Variants in TCERG1L observed in about 807,000 individuals in gnomAD.
TCERG1L encodes the protein transcription elongation regulator 1-like protein.
TCERG1L carries 37 observed loss-of-function variants against 56.3 expected under a neutral mutation model. The ratio of observed to expected loss-of-function variants is 0.66; its 90% CI spans 0.51 to 0.87. TCERG1L has a LOEUF of 0.87. Among genes scored for constraint, TCERG1L ranks in the 40% least tolerant of loss-of-function variants. TCERG1L has a pLI of 0.00. For missense variants in TCERG1L, 799 were observed against 774.2 expected, an observed-to-expected ratio of 1.03 and a Z score of -0.38; for synonymous variants, 324 against 326.3, an observed-to-expected ratio of 0.99 and a Z score of 0.08.
At chr10:131,248,198 T>C (rs1186853276) in intron 4 of TCERG1L, among the ~76,000 whole-genome samples, 1 of 139,618 alleles carries the variant, frequency 7.2e-6, no homozygotes, top group African/African-American at 2.8e-5. Context: ...AAACACACAC[T>C]ACTCACACAC....
At chr10:131,271,187 G>A (rs1386898966) in intron 3 of TCERG1L, among the ~76,000 whole-genome samples, 1 of 152,182 alleles carries the variant, frequency 6.6e-6, no homozygotes, top group Non-Finnish European at 1.5e-5. Flanking sequence ...CACCCAACCA[G>A]CAGCTGGATT....
chr10:131,191,864 C>CAAAAAAAAAAAAAAA (rs59816491), intron 4 of TCERG1L, among the ~76,000 whole-genome samples: 21 of 28,700 alleles, frequency 7.3e-4, no homozygotes, highest in African/African-American at 1.9e-3. Context: ...GACTCCGTCT[C>CAAAAAAAAAAAAAAA]AAAAAAAAAA....
intron 4 of TCERG1L, among the ~76,000 whole-genome samples, chr10:131,190,006 A>G (rs781583617): frequency 7.2e-5 from 11 of 152,224 alleles, no homozygotes; most frequent in Non-Finnish European, 1.3e-4. Context: ...GAAAAAATAA[A>G]CAAAATTAAT....
At chr10:131,289,081 C>G (rs1034847326) in intron 3 of TCERG1L, among the ~76,000 whole-genome samples, 3 of 151,578 alleles carry the variant, frequency 2.0e-5, no homozygotes, top group African/African-American at 7.3e-5. Context: ...TATTTCCTGA[C>G]AAAACATGAT....
chr10:131,159,249 G>A (rs182145035), intron 6 of TCERG1L, among the ~76,000 whole-genome samples: 11 of 152,286 alleles, frequency 7.2e-5, no homozygotes, highest in Admixed American at 3.3e-4. Flanking sequence ...ACCGAGCACC[G>A]TGGGCTTGAC....
intron 8 of TCERG1L, among the ~76,000 whole-genome samples, chr10:131,126,187 G>A (rs1211906747): frequency 2.0e-5 from 3 of 152,214 alleles, no homozygotes; most frequent in Non-Finnish European, 2.9e-5. Flanking sequence ...AGGCCCTACC[G>A]TGGCTGGACA....
intron 4 of TCERG1L, among the ~76,000 whole-genome samples, chr10:131,173,616 C>T (rs1221912595): frequency 6.6e-6 from 1 of 152,196 alleles, no homozygotes; most frequent in Non-Finnish European, 1.5e-5. Flanking sequence ...CAAGAGTTGC[C>T]AGCCCCGGCG....
intron 10 of TCERG1L, among the ~76,000 whole-genome samples, chr10:131,102,370 G>A (rs565571452): frequency 1.3e-5 from 2 of 152,290 alleles, no homozygotes; most frequent in South Asian, 2.1e-4. Flanking sequence ...GGCTGGGAAC[G>A]GGAGTGAGGA....
chr10:131,309,830 A>G lies in TCERG1L; in HGVS notation c.343-531T>C, dbSNP rs534849786. On this transcript the variant is annotated intron_variant, in intron 1 of 11. Coordinates refer to ENST00000368642, the MANE Select transcript of TCERG1L (RefSeq NM_174937.4). ...AGGTTCACCAATACAAATAGATTCT[A>G]TGGCAAAAAAAAAAAAAAAAAAAAA... Among the ~76,000 whole-genome samples the G allele has an allele frequency of 1.0e-4, 13 of 125,848 alleles. No individual in the cohort carries two copies. The South Asian group carries it at 4.1e-3, about 40-fold the overall frequency. The allele number at this position is 125,848 out of a possible 152,430, so 82.6% of individuals were successfully genotyped here.
intron 10 of TCERG1L, among the ~76,000 whole-genome samples, chr10:131,101,705 T>TC (rs1227589026): frequency 2.0e-5 from 3 of 147,934 alleles, no homozygotes; most frequent in Non-Finnish European, 4.6e-5. Flanking sequence ...TAGCTGATTT[T>TC]CTTTTTTTTT....
chr10:131,294,455 G>C (rs890413490), intron 3 of TCERG1L, among the ~76,000 whole-genome samples: 1 of 152,124 alleles, frequency 6.6e-6, no homozygotes, highest in Admixed American at 6.5e-5. Context: ...TCATTCTCCA[G>C]AGCACTCCCC....
chr10:131,297,602 G>T (rs896870268), intron 3 of TCERG1L, among the ~76,000 whole-genome samples: 5 of 152,000 alleles, frequency 3.3e-5, no homozygotes, highest in Non-Finnish European at 7.4e-5. Flanking sequence ...ATTACTTAGG[G>T]AATATTATTT....
intron 3 of TCERG1L, among the ~76,000 whole-genome samples, chr10:131,305,386 A>C (rs1241236903): frequency 2.0e-5 from 3 of 152,030 alleles, no homozygotes; most frequent in African/African-American, 7.3e-5. Context: ...TTGTGCTTTT[A>C]TATTATCTGA....
chr10:131,289,874 AG>A (rs1846592271), intron 3 of TCERG1L, among the ~76,000 whole-genome samples: 4 of 43,138 alleles, frequency 9.3e-5, no homozygotes, highest in African/African-American at 1.8e-4. Flanking sequence ...GTGTGTGAGC[AG>A]GTGTGCACTG....
intron 4 of TCERG1L, among the ~76,000 whole-genome samples, chr10:131,176,866 G>GTGCACACACACCAAAACACA (rs1846162082): frequency 6.7e-6 from 1 of 148,962 alleles, no homozygotes; most frequent in Non-Finnish European, 1.5e-5. Flanking sequence ...ACAGAGACAC[G>GTGCACACACACCAAAACACA]TGCACACACA....
rs78205530 is a variant in TCERG1L, at chr10:131,283,131, G to A, written c.671-22687C>T. ...AGCTGAAGTGAGTCATGTCTGCCAC[G>A]GTGCCGTGAGCAAGGTTCTCTGAGA... On this transcript the variant is annotated intron_variant, in intron 3 of 11. Coordinates refer to ENST00000368642, the MANE Select transcript of TCERG1L (RefSeq NM_174937.4). 6.6e-3 allele frequency among the ~76,000 whole-genome samples: 1,013 copies of A among 152,338 alleles called. 6 individuals carry two copies. The highest frequency in any genetic ancestry group is 0.031 in the Middle Eastern group (9 of 294).
intron 4 of TCERG1L, among the ~76,000 whole-genome samples, chr10:131,212,727 TAAAAC>T (rs1414214311): frequency 1.3e-5 from 2 of 152,204 alleles, no homozygotes; most frequent in African/African-American, 4.8e-5. Flanking sequence ...GAGTGGCTAA[TAAAAC>T]AAAGAATTAA....
intron 4 of TCERG1L, among the ~76,000 whole-genome samples, chr10:131,186,025 G>A (rs1192108076): frequency 6.6e-6 from 1 of 152,348 alleles, no homozygotes; most frequent in Non-Finnish European, 1.5e-5. Flanking sequence ...ATTATCTTGC[G>A]ATGAAAGGGA....
intron 6 of TCERG1L, among the ~76,000 whole-genome samples, chr10:131,152,192 T>C (rs1307660228): frequency 3.3e-5 from 5 of 152,242 alleles, no homozygotes; most frequent in African/African-American, 4.8e-5. Context: ...AATGGGTTTT[T>C]CTTTTCTATC....
Sources: gnomAD v4.1 joint callset for allele counts (sites outside exome capture counted in the v4.1 genomes callset) on GRCh38, gnomAD v4.1.1 for gene constraint, MANE v1.5 for transcripts, NCBI Gene and HGNC (gene_info 2026-07-23, HGNC 2026-07-21) for gene names.